Variants in COMMD10 observed in about 807,000 individuals in gnomAD.
COMMD10 encodes the protein COMM domain-containing protein 10.
Under a neutral mutation model 28.9 loss-of-function variants are expected in COMMD10, and 33 were observed. The observed-to-expected ratio is 1.14, with a 90% CI of 0.87 to 1.53. The LOEUF is 1.53. COMMD10 is among the 40% of genes most tolerant of loss of function. The pLI is 0.00. For missense variants in COMMD10, 310 were observed against 233.4 expected, an observed-to-expected ratio of 1.33 and a Z score of -2.14; for synonymous variants, 110 against 81.7, an observed-to-expected ratio of 1.35 and a Z score of -1.87.
intron 6 of COMMD10, 57 bp from the exon 7 acceptor site, chr5:116,292,394 G>A: frequency 8.2e-7 from 1 of 1,212,334 alleles, no homozygotes; most frequent in Non-Finnish European, 1.1e-6. Flanking sequence ...AATAACACTT[G>A]ATATGAGTTT....
chr5:116,091,084 G>A lies in COMMD10; in HGVS notation c.138G>A (p.Glu46=), dbSNP rs201966138. The A allele has an allele frequency of 1.1e-5, 17 of 1,602,646 alleles. No individual in the cohort carries two copies. Among genetic ancestry groups the A allele is most frequent in the East Asian group, 2.2e-5 (1 of 44,574 alleles). Reference sequence around the variant, plus strand: ...GATTGCTATTTGTATTATAGGCTGAGAGCAGTTTCAGTGAAGAAGAGGAAG... The same window carrying A: ...GATTGCTATTTGTATTATAGGCTGAAAGCAGTTTCAGTGAAGAAGAGGAAG... ...RILQKLHLKA[E]SSFSEEEEEK... The change falls in exon 3 of 7, where the codon GAG becomes GAA. Residue 46 remains glutamate, a synonymous_variant. Transcript: ENST00000274458.
intron 5 of COMMD10, among the ~76,000 whole-genome samples, chr5:116,260,254 C>T (rs1248185496): frequency 1.3e-5 from 2 of 151,708 alleles, no homozygotes; most frequent in Non-Finnish European, 2.9e-5. Flanking sequence ...CTGAATATTG[C>T]TGATGTTTAA....
At chr5:116,108,877 G>T (rs1750938619) in intron 4 of COMMD10, among the ~76,000 whole-genome samples, 1 of 152,196 alleles carries the variant, frequency 6.6e-6, no homozygotes, top group African/African-American at 2.4e-5. Context: ...CGTGGGAAAA[G>T]CACAGTTTCT....
At chr5:116,261,698 C>G (rs1580593564) in intron 5 of COMMD10, among the ~76,000 whole-genome samples, 1 of 151,636 alleles carries the variant, frequency 6.6e-6, no homozygotes. Context: ...CTTCCTCATT[C>G]CTATCAACAA....
chr5:116,209,585 A>G (rs1358631102), intron 5 of COMMD10, among the ~76,000 whole-genome samples: 1 of 152,138 alleles, frequency 6.6e-6, no homozygotes, highest in Non-Finnish European at 1.5e-5. Context: ...GTACTACTGA[A>G]CTGAACCCAT....
chr5:116,153,452 C>T (rs1752602669), intron 5 of COMMD10, among the ~76,000 whole-genome samples: 1 of 152,072 alleles, frequency 6.6e-6, no homozygotes, highest in Non-Finnish European at 1.5e-5. Flanking sequence ...CTGATCTAAG[C>T]TGAGGGTCTT....
At chr5:116,272,126 C>T (rs1216067239) in intron 5 of COMMD10, among the ~76,000 whole-genome samples, 10 of 151,826 alleles carry the variant, frequency 6.6e-5, no homozygotes, top group Admixed American at 6.6e-4. Flanking sequence ...AAGGTCGAGA[C>T]ACTTTTCTAA....
intron 4 of COMMD10, among the ~76,000 whole-genome samples, chr5:116,125,053 A>G (rs1458621225): frequency 6.6e-6 from 1 of 152,096 alleles, no homozygotes; most frequent in Non-Finnish European, 1.5e-5. Context: ...GCCCATTTAC[A>G]TTTAACGTTA....
At chr5:116,146,121 A>C (rs761884535) in intron 5 of COMMD10, among the ~76,000 whole-genome samples, 10 of 151,876 alleles carry the variant, frequency 6.6e-5, no homozygotes, top group Non-Finnish European at 1.3e-4. Flanking sequence ...GTTAAGACAA[A>C]GAAGTGGATA....
chr5:116,162,875 T>C (rs1192234069), intron 5 of COMMD10, among the ~76,000 whole-genome samples: 1 of 26,606 alleles, frequency 3.8e-5, no homozygotes, highest in African/African-American at 2.5e-4. Context: ...CAACACCTTT[T>C]TAAAAAATTA....
chr5:116,097,148 T>A (rs1393491191), intron 4 of COMMD10, among the ~76,000 whole-genome samples: 1 of 152,210 alleles, frequency 6.6e-6, no homozygotes, highest in Non-Finnish European at 1.5e-5. Context: ...AATTAATCAT[T>A]TGTCATATAA....
intron 5 of COMMD10, among the ~76,000 whole-genome samples, chr5:116,152,384 G>C (rs1392131864): frequency 6.6e-6 from 1 of 151,980 alleles, no homozygotes; most frequent in Admixed American, 6.6e-5. Context: ...CAGAGAGTAT[G>C]AGCTGTGAAA....
intron 4 of COMMD10, among the ~76,000 whole-genome samples, chr5:116,109,276 G>A (rs1243539065): frequency 6.6e-6 from 1 of 152,064 alleles, no homozygotes; most frequent in African/African-American, 2.4e-5. Flanking sequence ...GTGCATCTTG[G>A]TTAAAAAAAT....
chr5:116,213,434 G>A (rs1368504212), intron 5 of COMMD10, among the ~76,000 whole-genome samples: 2 of 152,094 alleles, frequency 1.3e-5, no homozygotes, highest in African/African-American at 4.8e-5. Context: ...AATAATCACT[G>A]AATATTAAGG....
At chr5:116,184,919 C>T (rs544769378) in intron 5 of COMMD10, among the ~76,000 whole-genome samples, 1 of 152,042 alleles carries the variant, frequency 6.6e-6, no homozygotes, top group Non-Finnish European at 1.5e-5. Flanking sequence ...AACTTTGTGA[C>T]TTTAGGCAAG....
intron 5 of COMMD10, among the ~76,000 whole-genome samples, chr5:116,253,009 C>T (rs1456798283): frequency 1.1e-5 from 1 of 92,342 alleles, no homozygotes; most frequent in African/African-American, 3.7e-5. Flanking sequence ...TTGAAGAGGT[C>T]CTTCACATCC....
chr5:116,283,046 A>G (rs1445618230), intron 5 of COMMD10, among the ~76,000 whole-genome samples: 1 of 151,922 alleles, frequency 6.6e-6, no homozygotes, highest in Non-Finnish European at 1.5e-5. Context: ...AAGACTAAGA[A>G]AAATGTTATC....
chr5:116,196,625 CTT>C (rs75133534), intron 5 of COMMD10, among the ~76,000 whole-genome samples: 8 of 147,154 alleles, frequency 5.4e-5, no homozygotes, highest in African/African-American at 2.0e-4. Flanking sequence ...TTTACTGGTG[CTT>C]TTTTTTTTAA....
At chr5:116,217,585 G>C (rs534406393) in intron 5 of COMMD10, among the ~76,000 whole-genome samples, 2 of 152,326 alleles carry the variant, frequency 1.3e-5, no homozygotes, top group South Asian at 2.1e-4. Context: ...GAAAAGTCCA[G>C]ATTGCCTGAC....
Sources: allele counts gnomAD v4.1 joint callset (sites outside exome capture counted in the v4.1 genomes callset), GRCh38; gene constraint gnomAD v4.1.1; transcripts MANE v1.5; gene names NCBI Gene and HGNC (gene_info 2026-07-23, HGNC 2026-07-21).